CACNA1D: variants seen among roughly 807,000 people sequenced by gnomAD.
CACNA1D encodes the protein voltage-dependent L-type calcium channel subunit alpha-1D.
Under a neutral mutation model 257.1 loss-of-function variants are expected in CACNA1D, and 55 were observed. That is an observed-to-expected ratio of 0.21 (90% CI 0.17 to 0.27). The LOEUF is 0.27. Ranked by LOEUF, CACNA1D falls within the 10% of genes least tolerant of loss-of-function variation. The pLI is 1.00. For missense variants in CACNA1D, 1,876 were observed against 2,784.0 expected, an observed-to-expected ratio of 0.67 and a Z score of 7.34; for synonymous variants, 980 against 1,014.9, an observed-to-expected ratio of 0.97 and a Z score of 0.65.
rs2094083770 is a variant in CACNA1D at position 53,650,931 on chromosome 3, T to C, written c.623+13T>C. On this transcript the variant is annotated intron_variant, in intron 4 of 47. Transcript: ENST00000350061. ...TAGTAATAGTAGGGTAAGTCTCTTTTACTTTGGGGAAATGTTGATTTGGAA... is the reference window on the plus strand; with the variant it reads ...TAGTAATAGTAGGGTAAGTCTCTTTCACTTTGGGGAAATGTTGATTTGGAA... 2 of 1,608,834 alleles carry C rather than the reference T, an allele frequency of 1.2e-6. No homozygotes were observed. The highest frequency in any genetic ancestry group is 1.7e-6 in the Non-Finnish European group (2 of 1,175,496).
intron 29 of CACNA1D, among the ~76,000 whole-genome samples, chr3:53,761,309 G>A (rs1202909505): frequency 6.6e-6 from 1 of 152,190 alleles, no homozygotes; most frequent in Non-Finnish European, 1.5e-5. Context: ...TTCTACTATA[G>A]AGCCTGCCTT....
intron 3 of CACNA1D, among the ~76,000 whole-genome samples, chr3:53,618,806 C>T (rs891917603): frequency 2.0e-5 from 3 of 152,166 alleles, no homozygotes; most frequent in Non-Finnish European, 2.9e-5. Context: ...CAGTAGTTGA[C>T]GGGCTGGCTT....
chr3:53,516,750 C>T (rs1233262017), intron 3 of CACNA1D, among the ~76,000 whole-genome samples: 3 of 152,188 alleles, frequency 2.0e-5, no homozygotes, highest in African/African-American at 7.2e-5. Flanking sequence ...CCAGGCCCAG[C>T]ATTTTTTCTG....
chr3:53,774,643 C>T lies in CACNA1D; in HGVS notation c.4167C>T (p.Phe1389=). The T allele has an allele frequency of 6.2e-7, 1 of 1,613,098 alleles. No homozygotes were observed. The highest frequency in any genetic ancestry group is 8.5e-7 in the Non-Finnish European group (1 of 1,179,040). The change falls in exon 34 of 48, where the codon TTC becomes TTT. Residue 1389 remains phenylalanine (F), a synonymous_variant. Transcript: ENST00000350061. This position sits in a 1 kb window ranked among gnomAD's most constrained non-coding sequence, Gnocchi z 4.3. The stretch of plus-strand genomic sequence containing the variant: ...ACCAGATCAATAGGAACAATAACTT[C>T]CAGACGTTTCCCCAGGCGGTGCTGC... ...DNNQINRNNN[F]QTFPQAVLLL... is the part of the protein sequence containing the mutation.
At chr3:53,762,618 C>T (rs1319320748) in intron 30 of CACNA1D, 1 of 456,708 alleles carries the variant, frequency 2.2e-6, no homozygotes. Flanking sequence ...GTTGATATTG[C>T]TATAACTGAA....
In CACNA1D at chr3:53,723,509, C is replaced by T; in HGVS notation, c.1742C>T (p.Ala581Val). The change falls in exon 13 of 48, where the codon GCA becomes GTA. Residue 581 changes from alanine to valine, a missense_variant. Physicochemically the swap from Ala to Val is moderately conservative, Grantham distance 64. Transcript: ENST00000350061. The surrounding 1 kb of genome is among the most constrained non-coding windows in gnomAD (Gnocchi z 5.6). The stretch of plus-strand genomic sequence containing the variant: ...AAAATGTACAGCTTGGGCCTCCAAG[C>T]ATATTTCGTCTCTCTTTTCAACCGG... ...LVKMYSLGLQ[A>V]YFVSLFNRFD... 6.2e-7 allele frequency: 1 copy of T among 1,614,090 alleles called. No individual in the cohort carries two copies. Among genetic ancestry groups the T allele is most frequent in the Non-Finnish European group, 8.5e-7 (1 of 1,180,004 alleles).
In CACNA1D at chr3:53,694,146, G is replaced by A. The variant is rs2094553011; in HGVS notation, c.1221-8495G>A. ...AGCCAGGGGTCCAGGAGATCAGGAT[G>A]TCAGGGCCTGTAAATCCTGGGGCAT... On this transcript the variant is annotated intron_variant, in intron 8 of 47. Coordinates refer to ENST00000350061, the MANE Select transcript of CACNA1D (RefSeq NM_001128840.3). Among the ~76,000 whole-genome samples, 3 of 152,324 alleles carry A rather than the reference G, an allele frequency of 2.0e-5. No individual in the cohort carries two copies. In the South Asian group the frequency reaches 6.2e-4, roughly 32 times the overall value.
At chr3:53,540,045 C>T (rs572182940) in intron 3 of CACNA1D, among the ~76,000 whole-genome samples, 7 of 149,240 alleles carry the variant, frequency 4.7e-5, no homozygotes, top group Admixed American at 2.7e-4. Context: ...GGCTTATCTT[C>T]ACTTTCTTTA....
At chr3:53,705,594 A>G (rs1182126798) in intron 9 of CACNA1D, among the ~76,000 whole-genome samples, 3 of 152,196 alleles carry the variant, frequency 2.0e-5, no homozygotes, top group Non-Finnish European at 4.4e-5. Flanking sequence ...TCGTTTTGCC[A>G]GGTGCTGGGG....
At position 53,735,518 on chromosome 3, in the gene CACNA1D, T is replaced by G. The variant is rs1302394789; in HGVS notation, c.2751+15T>G. 1.9e-6 allele frequency: 3 copies of G among 1,613,482 alleles called. No homozygotes were observed. In the Admixed American group the frequency reaches 5.0e-5, roughly 27 times the overall value. On this transcript the variant is annotated intron_variant, in intron 20 of 47. Coordinates refer to ENST00000350061, the MANE Select transcript of CACNA1D (RefSeq NM_001128840.3). ...TCCGGAACACGGTAAGTCCCCAGGG[T>G]GGGGCTCGCTCTGGGATAGCCCTGG... is the stretch of plus-strand genomic sequence containing the variant.
chr3:53,603,002 G>A (rs2093464103), intron 3 of CACNA1D, among the ~76,000 whole-genome samples: 1 of 152,224 alleles, frequency 6.6e-6, no homozygotes, highest in Non-Finnish European at 1.5e-5. Context: ...AGAGTGAGAT[G>A]CAGTTGCGTC....
At chr3:53,614,616 ATATT>A (rs1289006123) in intron 3 of CACNA1D, among the ~76,000 whole-genome samples, 1 of 152,220 alleles carries the variant, frequency 6.6e-6, no homozygotes, top group Non-Finnish European at 1.5e-5. Flanking sequence ...CAAAGGAAGA[ATATT>A]TATAAGGCCC....
chr3:53,660,625 G>T (rs1013638482), intron 5 of CACNA1D, among the ~76,000 whole-genome samples: 1 of 151,896 alleles, frequency 6.6e-6, no homozygotes, highest in African/African-American at 2.4e-5. Context: ...TCCCAGGCCT[G>T]CCCCTCTGAA....
At chr3:53,566,791 C>A (rs981135165) in intron 3 of CACNA1D, among the ~76,000 whole-genome samples, 1 of 152,196 alleles carries the variant, frequency 6.6e-6, no homozygotes, top group South Asian at 2.1e-4. Context: ...CGGAAACTTG[C>A]ACCATTTAGG....
intron 39 of CACNA1D, chr3:53,786,444 C>G (rs1233804228): frequency 7.5e-6 from 2 of 267,826 alleles, no homozygotes; most frequent in Admixed American, 9.9e-5. Flanking sequence ...ATGCAAATCC[C>G]TATGCACAGG....
At chr3:53,762,703 G>A (rs1307606249) in intron 30 of CACNA1D, 1 of 443,030 alleles carries the variant, frequency 2.3e-6, no homozygotes, top group African/African-American at 2.0e-5. Context: ...GAGACTAGAG[G>A]CCCTGCCCTT....
At chr3:53,768,851 C>T (rs761607146) in intron 30 of CACNA1D, among the ~76,000 whole-genome samples, 2 of 152,132 alleles carry the variant, frequency 1.3e-5, no homozygotes, top group East Asian at 1.9e-4. Context: ...AGGAGGCCCT[C>T]GAGAAGTGAG....
At chr3:53,787,567 C>T (rs1035356389) in intron 40 of CACNA1D, among the ~76,000 whole-genome samples, 5 of 152,104 alleles carry the variant, frequency 3.3e-5, no homozygotes, top group African/African-American at 9.7e-5. Context: ...CCCTCTCCCT[C>T]CTCCACCTGG....
intron 20 of CACNA1D, among the ~76,000 whole-genome samples, chr3:53,736,573 A>G (rs1003475474): frequency 4.6e-5 from 7 of 152,190 alleles, no homozygotes; most frequent in African/African-American, 1.7e-4. Flanking sequence ...ATTACTTTTC[A>G]TTGGTAGAAT....
Sources: allele counts gnomAD v4.1 joint callset (sites outside exome capture counted in the v4.1 genomes callset), GRCh38; gene constraint gnomAD v4.1.1; non-coding constraint Gnocchi (gnomAD v3.1); transcripts MANE v1.5; gene names NCBI Gene and HGNC (gene_info 2026-07-23, HGNC 2026-07-21).